The following POU2F3 variants were observed in gnomAD, a reference collection of about 807,000 sequenced individuals.
POU2F3 encodes POU class 2 homeobox 3.
Under a neutral mutation model 59.2 loss-of-function variants are expected in POU2F3, and 23 were observed. The observed-to-expected ratio is 0.39, with a 90% CI of 0.28 to 0.55. POU2F3 has a LOEUF of 0.55. POU2F3 is among the 20% of genes least tolerant of loss of function. POU2F3 has a pLI of 0.66. For missense variants in POU2F3, 473 were observed against 544.5 expected, an observed-to-expected ratio of 0.87 and a Z score of 1.31; for synonymous variants, 190 against 214.6, an observed-to-expected ratio of 0.89 and a Z score of 1.00.
intron 3 of POU2F3, among the ~76,000 whole-genome samples, chr11:120,288,127 C>CA (rs1491240764): frequency 0.12 from 913 of 7,548 alleles, 34 homozygotes; most frequent in African/African-American, 0.28. Context: ...AACAAAAAAA[C>CA]CAAAAAAAAA....
intron 3 of POU2F3, among the ~76,000 whole-genome samples, chr11:120,281,777 G>A (rs1273646896): frequency 1.3e-5 from 2 of 152,060 alleles, no homozygotes; most frequent in African/African-American, 2.4e-5. Flanking sequence ...ACACAGACCT[G>A]GCTTTGAATC....
chr11:120,288,813 A>C (rs1196874467), intron 3 of POU2F3, among the ~76,000 whole-genome samples: 1 of 149,816 alleles, frequency 6.7e-6, no homozygotes, highest in Non-Finnish European at 1.5e-5. Flanking sequence ...TTACATACGC[A>C]CATGTATGTA....
chr11:120,300,306 A>C (rs1941310931), intron 5 of POU2F3, among the ~76,000 whole-genome samples: 2 of 152,222 alleles, frequency 1.3e-5, no homozygotes, highest in African/African-American at 4.8e-5. Context: ...TCTTCTGAGT[A>C]ATTTTTCTGA....
At chr11:120,294,715 A>G (rs917803503) in intron 3 of POU2F3, among the ~76,000 whole-genome samples, 3 of 152,186 alleles carry the variant, frequency 2.0e-5, no homozygotes, top group African/African-American at 7.2e-5. Flanking sequence ...GTCAGAGGCC[A>G]TGGGAATTGT....
intron 1 of POU2F3, among the ~76,000 whole-genome samples, chr11:120,243,471 G>A (rs1395461447): frequency 2.0e-5 from 3 of 152,176 alleles, no homozygotes; most frequent in African/African-American, 7.2e-5. Flanking sequence ...GGTGCTGAGT[G>A]GGGCAGCCAA....
intron 5 of POU2F3, chr11:120,300,800 T>G (rs1941328304): frequency 9.8e-6 from 3 of 305,230 alleles, no homozygotes; most frequent in Admixed American, 9.0e-5. Context: ...ATAAACTCTC[T>G]CCTGTTGCAC....
At chr11:120,267,097 TG>T (rs1431163555) in intron 2 of POU2F3, among the ~76,000 whole-genome samples, 1 of 152,106 alleles carries the variant, frequency 6.6e-6, no homozygotes, top group East Asian at 1.9e-4. Context: ...ATTGCGGCTG[TG>T]GGTCCTTCCC....
At chr11:120,293,262 C>A (rs1941085386) in intron 3 of POU2F3, among the ~76,000 whole-genome samples, 1 of 152,148 alleles carries the variant, frequency 6.6e-6, no homozygotes, top group Non-Finnish European at 1.5e-5. Flanking sequence ...CTAGAGGCAT[C>A]TGAGGAGGCA....
At chr11:120,275,195 T>A (rs1358341417) in intron 3 of POU2F3, among the ~76,000 whole-genome samples, 1 of 151,914 alleles carries the variant, frequency 6.6e-6, no homozygotes, top group Non-Finnish European at 1.5e-5. Context: ...AAAGAAGGCT[T>A]TTGTGGAGGA....
intron 2 of POU2F3, among the ~76,000 whole-genome samples, chr11:120,251,817 C>T (rs764313663): frequency 6.4e-4 from 66 of 103,402 alleles, no homozygotes; most frequent in East Asian, 1.6e-3. Flanking sequence ...TTTTTTTTGA[C>T]AGAGTCTTGC....
chr11:120,283,724 T>G (rs925877558), intron 3 of POU2F3, among the ~76,000 whole-genome samples: 1 of 151,550 alleles, frequency 6.6e-6, no homozygotes, highest in African/African-American at 2.4e-5. Context: ...TGCCTCATTC[T>G]CCAACTTACC....
chr11:120,281,445 A>C (rs780076481), intron 3 of POU2F3, among the ~76,000 whole-genome samples: 1 of 151,724 alleles, frequency 6.6e-6, no homozygotes, highest in Non-Finnish European at 1.5e-5. Context: ...TGCTCACTAC[A>C]GGTCTGTTAT....
chr11:120,313,665 T>C (rs1026017231), intron 10 of POU2F3, among the ~76,000 whole-genome samples: 1 of 152,142 alleles, frequency 6.6e-6, no homozygotes, highest in Admixed American at 6.5e-5. Context: ...GCCTAGCCTG[T>C]CTCCAGAAGG....
At chr11:120,243,235 G>A (rs1166775786) in intron 1 of POU2F3, among the ~76,000 whole-genome samples, 2 of 152,142 alleles carry the variant, frequency 1.3e-5, no homozygotes, top group African/African-American at 2.4e-5. Flanking sequence ...AGGTATGTGC[G>A]GGAGGAGCCA....
intron 11 of POU2F3, 146 bp from the exon 12 acceptor site, chr11:120,317,083 G>A: frequency 3.5e-6 from 3 of 869,210 alleles, no homozygotes; most frequent in East Asian, 2.4e-5. Context: ...TAATGAGGCA[G>A]GAGGTAGTCA....
chr11:120,257,959 G>C (rs78314944), intron 2 of POU2F3, among the ~76,000 whole-genome samples: 6,873 of 152,228 alleles, frequency 0.045, 187 homozygotes, highest in African/African-American at 0.074. Context: ...AGTTACATAA[G>C]CTCTTCCAGC....
intron 2 of POU2F3, chr11:120,265,940 A>G (rs763844625): frequency 5.3e-5 from 8 of 151,806 alleles, no homozygotes; most frequent in Non-Finnish European, 1.2e-4. Flanking sequence ...TCTAAACTTG[A>G]CCCTTTTTTC....
intron 3 of POU2F3, among the ~76,000 whole-genome samples, chr11:120,294,591 A>G (rs1941132650): frequency 6.6e-6 from 1 of 152,230 alleles, no homozygotes; most frequent in Non-Finnish European, 1.5e-5. Context: ...AGTTGCCTGG[A>G]AAGCTTCCAA....
intron 10 of POU2F3, among the ~76,000 whole-genome samples, chr11:120,313,508 C>T (rs1941708063): frequency 6.6e-6 from 1 of 152,168 alleles, no homozygotes; most frequent in Admixed American, 6.5e-5. Context: ...GAGACAGTCC[C>T]TTGGGACTAG....
Sources: allele counts gnomAD v4.1 joint callset (sites outside exome capture counted in the v4.1 genomes callset), GRCh38; gene constraint gnomAD v4.1.1; transcripts MANE v1.5; gene names NCBI Gene and HGNC (gene_info 2026-07-23, HGNC 2026-07-21).